RUNX1: variants seen among roughly 807,000 people sequenced by gnomAD.
The protein encoded by RUNX1 is RUNX family transcription factor 1, also known as runt-related transcription factor 1.
RUNX1 carries 19 observed loss-of-function variants against 42.8 expected under a neutral mutation model. The observed-to-expected ratio is 0.44, with a 90% confidence interval of 0.31 to 0.65. The LOEUF is 0.65. RUNX1 is among the 30% of genes least tolerant of loss of function. The pLI, the probability that RUNX1 is intolerant of heterozygous loss-of-function variation, is 0.07. For synonymous variants in RUNX1, 271 were observed against 289.4 expected, an observed-to-expected ratio of 0.94 and a Z score of 0.64; for missense variants, 528 against 672.0, an observed-to-expected ratio of 0.79 and a Z score of 2.37.
At chr21:34,844,370 G>T (rs143056747) in intron 6 of RUNX1, among the ~76,000 whole-genome samples, 2 of 152,292 alleles carry the variant, frequency 1.3e-5, no homozygotes, top group Non-Finnish European at 2.9e-5. Flanking sequence ...AGATCCAGGA[G>T]GCGCACACAC....
At chr21:34,800,424 AT>A (rs759644511) in intron 7 of RUNX1, among the ~76,000 whole-genome samples, 1 of 152,206 alleles carries the variant, frequency 6.6e-6, no homozygotes, top group Non-Finnish European at 1.5e-5. Flanking sequence ...TTTTCTCTTT[AT>A]GTCCCAACTT....
At chr21:35,044,680 T>C (rs1399786438) in intron 2 of RUNX1, among the ~76,000 whole-genome samples, 2 of 152,222 alleles carry the variant, frequency 1.3e-5, no homozygotes, top group East Asian at 3.8e-4. Context: ...CTCCAGACTC[T>C]TCTCTCTAGG....
intron 7 of RUNX1, among the ~76,000 whole-genome samples, chr21:34,832,468 G>T (rs2057077344): frequency 6.6e-6 from 1 of 152,104 alleles, no homozygotes; most frequent in Non-Finnish European, 1.5e-5. Flanking sequence ...TCCCATATCA[G>T]CAGAAAAAGG....
intron 3 of RUNX1, among the ~76,000 whole-genome samples, chr21:34,890,874 ACCTTTT>A (rs2058073866): frequency 6.6e-6 from 1 of 151,764 alleles, no homozygotes; most frequent in African/African-American, 2.4e-5. Flanking sequence ...GGCAAGGGAA[ACCTTTT>A]CGCCTGGTCT....
At chr21:35,030,691 A>G (rs565986431) in intron 2 of RUNX1, among the ~76,000 whole-genome samples, 2 of 152,306 alleles carry the variant, frequency 1.3e-5, no homozygotes, top group Non-Finnish European at 2.9e-5. Context: ...ATGATCTCAA[A>G]GCATACGCAA....
At chr21:35,004,617 A>C (rs920630902) in intron 2 of RUNX1, among the ~76,000 whole-genome samples, 1 of 152,034 alleles carries the variant, frequency 6.6e-6, no homozygotes, top group South Asian at 2.1e-4. Context: ...TAATCATTTA[A>C]TTTTCCCAAA....
chr21:34,940,488 G>T (rs748281592), intron 2 of RUNX1, among the ~76,000 whole-genome samples: 1 of 152,178 alleles, frequency 6.6e-6, no homozygotes, highest in Non-Finnish European at 1.5e-5. Flanking sequence ...CTCTGATAGC[G>T]CAATGCTCAT....
At chr21:34,872,254 C>T (rs1482030992) in intron 5 of RUNX1, among the ~76,000 whole-genome samples, 1 of 152,168 alleles carries the variant, frequency 6.6e-6, no homozygotes, top group Admixed American at 6.5e-5. Flanking sequence ...AAGCAGTGAG[C>T]CTCTGGCAGA....
At chr21:34,821,710 G>A (rs780385917) in intron 7 of RUNX1, 2 of 1,558,806 alleles carry the variant, frequency 1.3e-6, no homozygotes, top group Non-Finnish European at 1.7e-6. Flanking sequence ...AGGGAGCCAT[G>A]TGTGACCAGG....
chr21:34,834,196 A>T (rs1167862268), intron 7 of RUNX1: 1 of 702,492 alleles, frequency 1.4e-6, no homozygotes, highest in Non-Finnish European at 2.6e-6. Context: ...GGATCTGGTT[A>T]CAATGCAGAT....
Position 34,790,373 on chromosome 21 carries a change from T to A in RUNX1, c.*1762A>T, listed in dbSNP as rs981726755. ...GTTCTGAAGTCCTGCTTTCAAATAC[T>A]CTTCAGAGTTGACCTGAAATCGTTT... On this transcript the variant is annotated 3_prime_UTR_variant, in exon 9 of 9. Coordinates refer to ENST00000675419, the MANE Select transcript of RUNX1 (RefSeq NM_001754.5). The A allele has an allele frequency of 1.7e-5, 4 of 233,618 alleles. No homozygotes were observed. Among genetic ancestry groups the A allele is most frequent in the Non-Finnish European group, 3.4e-5 (4 of 118,046 alleles). 14.5% of individuals were successfully genotyped at this position (233,618 alleles called of 1,614,324 possible). A position where few individuals can be genotyped will look rare whatever the true frequency, so the allele number is the denominator to read the frequency against.
Position 34,956,098 on chromosome 21 carries a change from T to G in RUNX1, c.59-63135A>C, listed in dbSNP as rs111318626. On this transcript the variant is annotated intron_variant, in intron 2 of 8. Coordinates refer to ENST00000675419, the MANE Select transcript of RUNX1 (RefSeq NM_001754.5). ...AAATTCAGCAAAAGATGTGTTTTTG[T>G]TTTTTCTGTTTAAGGGAGAGATGGT... 9.6e-3 allele frequency among the ~76,000 whole-genome samples: 1,469 copies of G among 152,276 alleles called. 23 individuals are homozygous for G. The highest frequency in any genetic ancestry group is 0.029 in the African/African-American group (1,209 of 41,528).
At chr21:35,012,781 G>A (rs952380663) in intron 2 of RUNX1, among the ~76,000 whole-genome samples, 32 of 152,052 alleles carry the variant, frequency 2.1e-4, no homozygotes, top group African/African-American at 7.2e-4. Flanking sequence ...TAAAGAGAAA[G>A]GAAAGTGTTC....
At chr21:34,888,418 C>T (rs1268802731) in intron 3 of RUNX1, 3 of 1,066,922 alleles carry the variant, frequency 2.8e-6, no homozygotes, top group Non-Finnish European at 3.4e-6. Context: ...AAAAGGAAAA[C>T]AATTGGGGAA....
chr21:34,992,000 GCA>G (rs1221251777), intron 2 of RUNX1, among the ~76,000 whole-genome samples: 3 of 152,214 alleles, frequency 2.0e-5, no homozygotes, highest in Non-Finnish European at 4.4e-5. Flanking sequence ...CCTAGAGCCT[GCA>G]CAGGGAGCAA....
intron 2 of RUNX1, among the ~76,000 whole-genome samples, chr21:35,024,831 T>C (rs1373707973): frequency 1.3e-5 from 2 of 152,244 alleles, no homozygotes; most frequent in African/African-American, 2.4e-5. Flanking sequence ...CATACAATGG[T>C]GCATATGCTT....
intron 6 of RUNX1, among the ~76,000 whole-genome samples, chr21:34,850,648 G>C (rs760148402): frequency 1.3e-5 from 2 of 152,082 alleles, no homozygotes; most frequent in Non-Finnish European, 2.9e-5. Context: ...CAACATTTGG[G>C]GGCAAGGCCA....
At chr21:35,020,149 G>T (rs568236440) in intron 2 of RUNX1, among the ~76,000 whole-genome samples, 3 of 152,124 alleles carry the variant, frequency 2.0e-5, no homozygotes, top group East Asian at 1.9e-4. Flanking sequence ...ATCTTTAAGA[G>T]TTGCAATTAG....
intron 2 of RUNX1, among the ~76,000 whole-genome samples, chr21:35,010,117 G>T (rs1373117610): frequency 1.3e-5 from 2 of 152,148 alleles, no homozygotes; most frequent in African/African-American, 4.8e-5. Context: ...AATATTGTGT[G>T]GCAATATTAA....
Sources: allele counts gnomAD v4.1 joint callset (sites outside exome capture counted in the v4.1 genomes callset), GRCh38; gene constraint gnomAD v4.1.1; transcripts MANE v1.5; gene names NCBI Gene and HGNC (gene_info 2026-07-23, HGNC 2026-07-21).